CALB1: variants seen among roughly 807,000 people sequenced by gnomAD.
CALB1 encodes the protein calbindin 1.
CALB1 carries 16 observed loss-of-function variants against 46.7 expected under a neutral mutation model. That is an observed-to-expected ratio of 0.34 (90% CI 0.23 to 0.52). The LOEUF (loss-of-function observed/expected upper bound fraction) is 0.52. Among genes scored for constraint, CALB1 ranks in the 20% least tolerant of loss-of-function variants. CALB1 has a pLI of 0.95. For synonymous variants in CALB1, 90 were observed against 112.8 expected (o/e 0.80, Z 1.28); for missense variants, 224 against 300.3 (o/e 0.75, Z 1.88).
rs1335149104 is a variant in CALB1, at chr8:90,059,464, GT to G, written c.*708del. 6.6e-6 allele frequency: 1 copy of G among 152,536 alleles called. No homozygotes were observed. The highest frequency in any genetic ancestry group is 1.9e-4 in the East Asian group (1 of 5,204). The allele number at this position is 152,536 out of a possible 1,614,324, so 9.4% of individuals were successfully genotyped here. ...GAATAATTTGCAACACATGAAAACA[GT>G]TTAGAAAATGGATTTAGGTCATATT... is the stretch of plus-strand genomic sequence containing the variant. On this transcript the variant is annotated 3_prime_UTR_variant, in exon 11 of 11. Transcript: ENST00000265431.
intron 3 of CALB1, among the ~76,000 whole-genome samples, chr8:90,075,046 C>T (rs1366823289): frequency 1.3e-5 from 2 of 152,116 alleles, no homozygotes; most frequent in Non-Finnish European, 2.9e-5. Context: ...CTCAAAATTT[C>T]GATGCTCCTG....
intron 9 of CALB1, chr8:90,061,043 A>T (rs566625010): frequency 7.6e-5 from 17 of 223,856 alleles, no homozygotes; most frequent in Middle Eastern, 1.5e-3. Context: ...GGTGTGGCAG[A>T]GTTCTGCTAG....
intron 6 of CALB1, 75 bp from the exon 7 acceptor site, chr8:90,063,536 A>C (rs761626860): frequency 5.7e-5 from 73 of 1,289,150 alleles, no homozygotes; most frequent in Non-Finnish European, 7.7e-5. Flanking sequence ...CTTCAAAATA[A>C]AGCTGTTTGA....
At chr8:90,082,240 C>T in intron 1 of CALB1, 138 bp from the exon 2 acceptor site, 1 of 729,396 alleles carries the variant, frequency 1.4e-6, no homozygotes, top group Non-Finnish European at 2.3e-6. Flanking sequence ...GCAAAGTGTA[C>T]AGACGGTGAA....
intron 3 of CALB1, among the ~76,000 whole-genome samples, chr8:90,070,760 A>T (rs1814497390): frequency 6.6e-6 from 1 of 152,010 alleles, no homozygotes; most frequent in Non-Finnish European, 1.5e-5. Flanking sequence ...AAAAGTAAAA[A>T]TGGGGGTTTA....
intron 2 of CALB1, among the ~76,000 whole-genome samples, chr8:90,079,342 A>T (rs192621671): frequency 4.6e-5 from 7 of 152,168 alleles, no homozygotes; most frequent in Admixed American, 4.6e-4. Flanking sequence ...TTTGGAACCA[A>T]TGTAGACATC....
chr8:90,059,911 A>G lies in CALB1; in HGVS notation c.*262T>C. ...AATCTTGTTCAACTATATTTGTGAA[A>G]GCAAGAATATGTTATTTTTTAAAAT... On this transcript the variant is annotated 3_prime_UTR_variant, in exon 11 of 11. Transcript: ENST00000265431. 1 of 330,500 alleles carries G rather than the reference A, an allele frequency of 3.0e-6. No homozygotes were observed. The highest frequency in any genetic ancestry group is 5.5e-6 in the Non-Finnish European group (1 of 182,428). The allele number at this position is 330,500 out of a possible 1,614,324, so 20.5% of individuals were successfully genotyped here. A position where few individuals can be genotyped will look rare whatever the true frequency, so the allele number is the denominator to read the frequency against.
chr8:90,060,052 G>T lies in CALB1; in HGVS notation c.*121C>A, dbSNP rs929978780. The T allele has an allele frequency of 1.6e-5, 11 of 669,774 alleles. No individual in the cohort carries two copies. Among genetic ancestry groups the T allele is most frequent in the Non-Finnish European group, 2.7e-5 (10 of 372,432 alleles). 41.5% of individuals were successfully genotyped at this position (669,774 alleles called of 1,614,324 possible). ...TGAAAAGAATGAGCCACACATCCTG[G>T]ATAATTATCTATATGCAGTTAAATT... On this transcript the variant is annotated 3_prime_UTR_variant, in exon 11 of 11. Coordinates refer to ENST00000265431, the MANE Select transcript of CALB1 (RefSeq NM_004929.4).
At chr8:90,082,179 A>G (rs1214236613) in intron 1 of CALB1, 77 bp from the exon 2 acceptor site, 2 of 1,319,000 alleles carry the variant, frequency 1.5e-6, no homozygotes, top group Non-Finnish European at 1.1e-6. Context: ...CAAGACAGTT[A>G]TCTTTCTGGC....
chr8:90,078,916 G>A (rs1001651611), intron 2 of CALB1, among the ~76,000 whole-genome samples: 1 of 151,990 alleles, frequency 6.6e-6, no homozygotes, highest in Non-Finnish European at 1.5e-5. Flanking sequence ...AGCAAAAAAT[G>A]TGAATGTTAA....
At chr8:90,082,529 A>G (rs1377385763) in intron 1 of CALB1, 90 bp downstream of exon 1, 24 of 1,013,444 alleles carry the variant, frequency 2.4e-5, no homozygotes, top group Non-Finnish European at 6.3e-6. Context: ...GAAAGGAGGG[A>G]TAATGGGATC....
chr8:90,072,468 T>C (rs1247490440), intron 3 of CALB1, among the ~76,000 whole-genome samples: 1 of 152,246 alleles, frequency 6.6e-6, no homozygotes, highest in African/African-American at 2.4e-5. Context: ...CTCAACATGA[T>C]ACCATCCTAT....
Position 90,058,732 on chromosome 8 carries a change from T to C in CALB1, c.*1441A>G, listed in dbSNP as rs1394545002. On this transcript the variant is annotated 3_prime_UTR_variant, in exon 11 of 11. Transcript: ENST00000265431. ...ACATCATTTGTTGAATTTTAGTTTTTGGCAAATCTCGTTTCTGTTTGTTCT... is the reference window on the plus strand; with the variant it reads ...ACATCATTTGTTGAATTTTAGTTTTCGGCAAATCTCGTTTCTGTTTGTTCT... 6.6e-6 allele frequency: 1 copy of C among 152,250 alleles called. No homozygotes were observed. Among genetic ancestry groups the C allele is most frequent in the Non-Finnish European group, 1.5e-5 (1 of 68,044 alleles). 9.4% of individuals were successfully genotyped at this position (152,250 alleles called of 1,614,324 possible).
chr8:90,062,957 A>C, intron 9 of CALB1, 143 bp downstream of exon 9: 1 of 586,800 alleles, frequency 1.7e-6, no homozygotes, highest in Non-Finnish European at 3.0e-6. Flanking sequence ...CAATTATATA[A>C]GATGGATAAA....
rs546264735 is a variant in CALB1 at position 90,080,470 on chromosome 8, C to T, written c.156+1556G>A. On this transcript the variant is annotated intron_variant, in intron 2 of 10. Coordinates refer to ENST00000265431, the MANE Select transcript of CALB1 (RefSeq NM_004929.4). ...AAATTTTATGGAAAGTAAGACTTTT[C>T]CAACCTGATTTTAAAATATGTATTT... Among the ~76,000 whole-genome samples, 353 of 151,870 alleles carry T rather than the reference C, an allele frequency of 2.3e-3. 3 individuals carry two copies. Among genetic ancestry groups the T allele is most frequent in the Middle Eastern group, 0.01 (3 of 290 alleles).
chr8:90,080,227 C>T (rs1160714415), intron 2 of CALB1, among the ~76,000 whole-genome samples: 1 of 151,498 alleles, frequency 6.6e-6, no homozygotes, highest in Non-Finnish European at 1.5e-5. Context: ...TTGAATATTC[C>T]AAAACAGAGA....
intron 2 of CALB1, among the ~76,000 whole-genome samples, chr8:90,079,330 C>T (rs929405493): frequency 8.6e-5 from 13 of 151,632 alleles, no homozygotes; most frequent in African/African-American, 2.2e-4. Context: ...TTATAAAAGC[C>T]GTTTGGAACC....
chr8:90,080,987 A>G (rs1814722049), intron 2 of CALB1, among the ~76,000 whole-genome samples: 5 of 152,252 alleles, frequency 3.3e-5, no homozygotes, highest in Admixed American at 1.3e-4. Flanking sequence ...CGTGTAACTC[A>G]TCCCAATTCA....
At chr8:90,078,644 T>A (rs1814665067) in intron 2 of CALB1, among the ~76,000 whole-genome samples, 197 bp from the exon 3 acceptor site, 1 of 152,030 alleles carries the variant, frequency 6.6e-6, no homozygotes, top group South Asian at 2.1e-4. Flanking sequence ...AGAGTTGTAA[T>A]CATGATTATT....
Sources: gnomAD v4.1 joint callset for allele counts (sites outside exome capture counted in the v4.1 genomes callset) on GRCh38, gnomAD v4.1.1 for gene constraint, MANE v1.5 for transcripts, NCBI Gene and HGNC (gene_info 2026-07-23, HGNC 2026-07-21) for gene names.